USP9Y: variants seen among roughly 807,000 people sequenced by gnomAD.
USP9Y encodes ubiquitin carboxyl-terminal hydrolase 9Y.
Under a neutral mutation model 53.1 loss-of-function variants are expected in USP9Y, and 41 were observed. That is an observed-to-expected ratio of 0.77 (90% CI 0.60 to 1.00). USP9Y has a LOEUF of 1.00. Ranked by LOEUF, USP9Y falls within the 50% of genes least tolerant of loss-of-function variation. The pLI, the probability that USP9Y is intolerant of heterozygous loss-of-function variation, is 0.00. For synonymous variants in USP9Y, 220 were observed against 173.7 expected (o/e 1.27, Z -2.09); for missense variants, 567 against 535.8 (o/e 1.06, Z -0.58).
In USP9Y at chrY:12,757,211, G is replaced by T. The variant is rs765483917; in HGVS notation, c.1442G>T (p.Ser481Ile). 1 of 398,864 alleles carries T rather than the reference G, an allele frequency of 2.5e-6. No homozygotes were observed. The highest frequency in any genetic ancestry group is 3.5e-6 in the Non-Finnish European group (1 of 283,507). ...CTTTAGGCAAGTTGGACAAATGCAA[G>T]TAAAAAGCAACGTGAAAAGCTCCTT... ...DCFKASWTNA[S>I]KKQREKLLEL... Residue 481 changes from serine (S) to isoleucine (I), a missense_variant, in exon 13 of 46, where the codon AGT becomes ATT. Coordinates refer to ENST00000338981, the MANE Select transcript of USP9Y (RefSeq NM_004654.4).
intron 12 of USP9Y, among the ~76,000 whole-genome samples, chrY:12,743,075 A>G (rs2053457908): frequency 3.1e-5 from 1 of 31,925 alleles, no homozygotes; most frequent in Non-Finnish European, 7.6e-5. Context: ...TTTTCATTCT[A>G]TTTAATTGTT....
chrY:12,776,956 G>A, intron 19 of USP9Y, 96 bp downstream of exon 19: 6 of 200,366 alleles, frequency 3.0e-5, no homozygotes, highest in Non-Finnish European at 5.2e-5. Flanking sequence ...AAAGGAAAGT[G>A]GGGGATATTC....
chrY:12,767,119 C>T (rs2053480789), intron 15 of USP9Y, among the ~76,000 whole-genome samples: 1 of 33,191 alleles, frequency 3.0e-5, no homozygotes, highest in African/African-American at 1.2e-4. Context: ...CATTTAATGA[C>T]AAAGGCTTTC....
intron 33 of USP9Y, among the ~76,000 whole-genome samples, chrY:12,824,947 G>T: frequency 3.1e-5 from 1 of 32,665 alleles, no homozygotes. Flanking sequence ...TTTGTTTTGA[G>T]ACAGAGTCTT....
At position 12,713,124 on chromosome Y, in the gene USP9Y, G is replaced by A. The variant is rs1603195502; in HGVS notation, c.96+3581G>A. ...GCTTACAGTAGTGTTGAACTCCTGG[G>A]ATCAAGTGTTGTTCCCACCTCAGCC... On this transcript the variant is annotated intron_variant, in intron 3 of 45. Coordinates refer to ENST00000338981, the MANE Select transcript of USP9Y (RefSeq NM_004654.4). 1.9e-4 allele frequency among the ~76,000 whole-genome samples: 6 copies of A among 31,614 alleles called. No homozygotes were observed. In the East Asian group the frequency reaches 4.9e-3, roughly 26 times the overall value. The allele number at this position is 31,614 out of a possible 37,273, so 84.8% of individuals were successfully genotyped here. A position where few individuals can be genotyped will look rare whatever the true frequency, so the allele number is the denominator to read the frequency against.
chrY:12,786,992 G>A, intron 24 of USP9Y, among the ~76,000 whole-genome samples, 192 bp downstream of exon 24: 2 of 33,318 alleles, frequency 6.0e-5, no homozygotes, highest in Non-Finnish European at 1.5e-4. Flanking sequence ...AAAATGTAAA[G>A]ATTGACTGTT....
At chrY:12,819,134 G>C in intron 33 of USP9Y, among the ~76,000 whole-genome samples, 1 of 33,706 alleles carries the variant, frequency 3.0e-5, no homozygotes, top group African/African-American at 1.2e-4. Context: ...AGCCAAGATT[G>C]TGCCATTGCA....
intron 16 of USP9Y, among the ~76,000 whole-genome samples, chrY:12,771,369 C>T: frequency 3.0e-5 from 1 of 33,678 alleles, no homozygotes; most frequent in Non-Finnish European, 7.3e-5. Context: ...AATATTTTAA[C>T]AATGATAGAG....
At chrY:12,707,642 TTC>T (rs2053420483) in intron 1 of USP9Y, among the ~76,000 whole-genome samples, 37 of 33,478 alleles carry the variant, frequency 1.1e-3, no homozygotes, top group African/African-American at 4.3e-3. Flanking sequence ...CTTACTCTGT[TTC>T]TCTCTCTCTC....
At chrY:12,835,409 C>T (rs2053554657) in intron 34 of USP9Y, among the ~76,000 whole-genome samples, 1 of 33,594 alleles carries the variant, frequency 3.0e-5, no homozygotes, top group Non-Finnish European at 7.4e-5. Context: ...TAGCCTTATA[C>T]TTCTCTATGG....
In USP9Y at chrY:12,846,929, C is replaced by T; in HGVS notation, c.6755-4C>T. 1 of 382,647 alleles carries T rather than the reference C, an allele frequency of 2.6e-6. No homozygotes were observed. The highest frequency in any genetic ancestry group is 3.7e-6 in the Non-Finnish European group (1 of 268,911). On this transcript the variant is annotated splice_polypyrimidine_tract_variant and splice_region_variant and intron_variant, in intron 40 of 45. Transcript: ENST00000338981. ...GTTTTTCATTGATAACAAATCTGTT[C>T]TAGGTAATCCCCCTCTCCCCAATCC...
chrY:12,837,772 A>G, intron 34 of USP9Y, 139 bp from the exon 35 acceptor site: 1 of 140,852 alleles, frequency 7.1e-6, no homozygotes. Flanking sequence ...GCATAAGCCC[A>G]GGAGTTCAAG....
At chrY:12,739,959 G>A in intron 12 of USP9Y, among the ~76,000 whole-genome samples, 1 of 33,301 alleles carries the variant, frequency 3.0e-5, no homozygotes, top group African/African-American at 1.2e-4. Context: ...GGAAAATGAG[G>A]CATAAAACAT....
At chrY:12,810,110 T>C in intron 27 of USP9Y, 69 bp from the exon 28 acceptor site, 1 of 315,265 alleles carries the variant, frequency 3.2e-6, no homozygotes, top group South Asian at 3.2e-5. Flanking sequence ...ATATACCTCC[T>C]ATTAAAGATA....
rs755001750 is a variant in USP9Y, at chrY:12,789,860, G to A, written c.3562-547G>A. 1.2e-4 allele frequency among the ~76,000 whole-genome samples: 4 copies of A among 32,612 alleles called. No homozygotes were observed. In the South Asian group the frequency reaches 2.8e-3, roughly 23 times the overall value. The allele number at this position is 32,612 out of a possible 37,273, so 87.5% of individuals were successfully genotyped here. On this transcript the variant is annotated intron_variant, in intron 24 of 45. Coordinates refer to ENST00000338981, the MANE Select transcript of USP9Y (RefSeq NM_004654.4). ...TCTCCATTGTATTATGGTAGGCCTA[G>A]TCACCTGTGGCAAAGGGGGACCAGG...
At chrY:12,718,614 G>A (rs2148279885) in intron 3 of USP9Y, among the ~76,000 whole-genome samples, 2 of 33,341 alleles carry the variant, frequency 6.0e-5, no homozygotes, top group East Asian at 1.6e-3. Flanking sequence ...CCTGGCAACT[G>A]CTGATCTGCT....
intron 1 of USP9Y, among the ~76,000 whole-genome samples, chrY:12,703,969 C>G (rs2053418048): frequency 3.0e-5 from 1 of 33,534 alleles, no homozygotes. Context: ...TAGCAAGACA[C>G]AGAGTGCTCA....
intron 15 of USP9Y, among the ~76,000 whole-genome samples, chrY:12,768,949 A>T (rs991885420): frequency 3.0e-5 from 1 of 33,194 alleles, no homozygotes; most frequent in African/African-American, 1.2e-4. Flanking sequence ...AGTTCATTGT[A>T]TTATTTTTGC....
chrY:12,779,821 G>A (rs778914299), intron 22 of USP9Y, among the ~76,000 whole-genome samples, 175 bp downstream of exon 22: 6 of 33,587 alleles, frequency 1.8e-4, no homozygotes, highest in African/African-American at 6.9e-4. Context: ...TTTCATGGAT[G>A]GGAAAATATT....
Sources: allele counts gnomAD v4.1 joint callset (sites outside exome capture counted in the v4.1 genomes callset), GRCh38; gene constraint gnomAD v4.1.1; transcripts MANE v1.5; gene names NCBI Gene and HGNC (gene_info 2026-07-23, HGNC 2026-07-21).